The following DNAAF4 variants were observed in gnomAD, a reference collection of about 807,000 sequenced individuals.
The protein encoded by DNAAF4 is dynein axonemal assembly factor 4.
In DNAAF4, 43 loss-of-function variants were observed where a neutral mutation model predicts 51.8. The observed-to-expected ratio is 0.83, with a 90% confidence interval of 0.65 to 1.07. The LOEUF (loss-of-function observed/expected upper bound fraction) is 1.07. DNAAF4 is among the 50% of genes least tolerant of loss of function. The pLI is 0.00. For synonymous variants in DNAAF4, 194 were observed against 165.6 expected, an observed-to-expected ratio of 1.17 and a Z score of -1.32; for missense variants, 581 against 493.0, an observed-to-expected ratio of 1.18 and a Z score of -1.69.
intron 4 of DNAAF4, among the ~76,000 whole-genome samples, chr15:55,471,032 T>C (rs1396340250): frequency 4.0e-5 from 6 of 151,388 alleles, no homozygotes; most frequent in African/African-American, 1.5e-4. Context: ...TTTGTTGTTG[T>C]TGTTTTTAGA....
chr15:55,438,786 CA>C (rs547749322), intron 7 of DNAAF4, among the ~76,000 whole-genome samples: 2,083 of 102,916 alleles, frequency 0.02, 25 homozygotes, highest in African/African-American at 0.044. Context: ...CACTATCTCA[CA>C]AAAAAAAAAA....
At chr15:55,482,262 G>T (rs1356230819) in intron 4 of DNAAF4, among the ~76,000 whole-genome samples, 1 of 152,150 alleles carries the variant, frequency 6.6e-6, no homozygotes, top group African/African-American at 2.4e-5. Context: ...TACATTGTTG[G>T]TGGGAATGAA....
At chr15:55,456,315 C>T (rs1269871894) in intron 5 of DNAAF4, among the ~76,000 whole-genome samples, 1 of 152,134 alleles carries the variant, frequency 6.6e-6, no homozygotes, top group Non-Finnish European at 1.5e-5. Context: ...CACCCGACTT[C>T]AGGTGATCTG....
intron 4 of DNAAF4, among the ~76,000 whole-genome samples, chr15:55,471,577 G>A (rs1394403190): frequency 1.3e-5 from 2 of 150,930 alleles, no homozygotes; most frequent in Non-Finnish European, 2.9e-5. Flanking sequence ...GCAGCGGCAC[G>A]ATCTCGGGTC....
At chr15:55,506,283 T>C (rs577623077) in intron 1 of DNAAF4, among the ~76,000 whole-genome samples, 1 of 152,214 alleles carries the variant, frequency 6.6e-6, no homozygotes, top group African/African-American at 2.4e-5. Flanking sequence ...TTAATGTGAA[T>C]ACCTGCTTAT....
At chr15:55,479,449 T>C (rs193180502) in intron 4 of DNAAF4, among the ~76,000 whole-genome samples, 1 of 152,222 alleles carries the variant, frequency 6.6e-6, no homozygotes, top group Admixed American at 6.5e-5. Flanking sequence ...ACCACTGTGA[T>C]AATTGTGTTA....
intron 5 of DNAAF4, among the ~76,000 whole-genome samples, chr15:55,465,077 A>G (rs529433787): frequency 1.3e-5 from 2 of 152,204 alleles, no homozygotes; most frequent in Non-Finnish European, 2.9e-5. Context: ...GTTAAGAATG[A>G]CCATAATTTA....
At chr15:55,432,747 AC>A in intron 8 of DNAAF4, 145 bp from the exon 9 acceptor site, 1 of 590,934 alleles carries the variant, frequency 1.7e-6, no homozygotes, top group Non-Finnish European at 2.8e-6. Context: ...GGATTTTGAG[AC>A]CAGCCTGGCC....
intron 5 of DNAAF4, among the ~76,000 whole-genome samples, chr15:55,462,089 AG>A (rs992914841): frequency 1.1e-4 from 17 of 152,214 alleles, no homozygotes; most frequent in African/African-American, 3.4e-4. Context: ...AGATTAAGCC[AG>A]GAAGAAATAG....
rs146791325 is a variant in DNAAF4 at position 55,465,421 on chromosome 15, C to G, written c.637+1509G>C. 5.2e-3 allele frequency among the ~76,000 whole-genome samples: 782 copies of G among 151,646 alleles called. 2 individuals carry two copies. Among genetic ancestry groups the G allele is most frequent in the Non-Finnish European group, 8.8e-3 (597 of 67,900 alleles). ...ACACACACACACACACACACACACA[C>G]AGACACACATACAATCATGGAATGC... On this transcript the variant is annotated intron_variant, in intron 5 of 9. Coordinates refer to ENST00000321149, the MANE Select transcript of DNAAF4 (RefSeq NM_130810.4).
chr15:55,420,602 C>T (rs2057380429), intron 7 of DNAAF4, among the ~76,000 whole-genome samples: 1 of 152,108 alleles, frequency 6.6e-6, no homozygotes, highest in Non-Finnish European at 1.5e-5. Flanking sequence ...AATACCCCCC[C>T]AAAACTGATA....
chr15:55,453,286 A>C (rs190749682), intron 5 of DNAAF4, among the ~76,000 whole-genome samples: 1 of 152,316 alleles, frequency 6.6e-6, no homozygotes, highest in East Asian at 1.9e-4. Flanking sequence ...TCATACATAC[A>C]CACTAAGAAG....
intron 5 of DNAAF4, among the ~76,000 whole-genome samples, chr15:55,459,271 A>G (rs1332201698): frequency 6.6e-6 from 1 of 152,116 alleles, no homozygotes; most frequent in African/African-American, 2.4e-5. Context: ...TCATAACCAG[A>G]GGCGAGATAA....
At chr15:55,456,327 C>G (rs966539017) in intron 5 of DNAAF4, among the ~76,000 whole-genome samples, 3 of 152,100 alleles carry the variant, frequency 2.0e-5, no homozygotes, top group Admixed American at 1.3e-4. Flanking sequence ...GGTGATCTGC[C>G]CGCCTCAGCC....
At chr15:55,437,925 G>A (rs1476831389) in intron 7 of DNAAF4, among the ~76,000 whole-genome samples, 2 of 152,126 alleles carry the variant, frequency 1.3e-5, no homozygotes, top group Non-Finnish European at 2.9e-5. Context: ...GCCACTTGGT[G>A]GTAGTTTGTT....
At chr15:55,491,089 C>T in intron 4 of DNAAF4, 34 bp downstream of exon 4, 4 of 1,613,332 alleles carry the variant, frequency 2.5e-6, no homozygotes, top group Non-Finnish European at 3.4e-6. Context: ...ACTATTATCT[C>T]TTTAGAGGAC....
intron 3 of DNAAF4, among the ~76,000 whole-genome samples, chr15:55,494,005 G>A (rs2058606922): frequency 6.6e-6 from 1 of 151,366 alleles, no homozygotes; most frequent in Non-Finnish European, 1.5e-5. Context: ...CTGTAACCTG[G>A]CAAAACTGAG....
Position 55,500,353 on chromosome 15 carries a change from C to T in DNAAF4, c.-255-1769G>A, listed in dbSNP as rs536709781. Among the ~76,000 whole-genome samples, 3 of 151,622 alleles carry T rather than the reference C, an allele frequency of 2.0e-5. No individual in the cohort carries two copies. In the South Asian group the frequency reaches 6.2e-4, roughly 31 times the overall value. On this transcript the variant is annotated intron_variant, in intron 1 of 9. Transcript: ENST00000321149. Reference sequence around the variant, plus strand: ...CTTTAAGCTGAGAAACCCACGAATCCCATGGACTTTTTTAAAAAAATTTCT... The same window carrying T: ...CTTTAAGCTGAGAAACCCACGAATCTCATGGACTTTTTTAAAAAAATTTCT...
At chr15:55,483,833 C>CATTTTTT (rs1567028675) in intron 4 of DNAAF4, among the ~76,000 whole-genome samples, 3 of 82,504 alleles carry the variant, frequency 3.6e-5, no homozygotes, top group Admixed American at 1.6e-4. Flanking sequence ...GCCAATAAAG[C>CATTTTTT]TTTTTTTTTT....
Sources: allele counts gnomAD v4.1 joint callset (sites outside exome capture counted in the v4.1 genomes callset), GRCh38; gene constraint gnomAD v4.1.1; transcripts MANE v1.5; gene names NCBI Gene and HGNC (gene_info 2026-07-23, HGNC 2026-07-21).